The following AFF2 variants were observed in gnomAD, a reference collection of about 807,000 sequenced individuals.
AFF2 encodes the protein ALF transcription elongation factor 2, also known as AF4/FMR2 family member 2.
AFF2 carries 14 observed loss-of-function variants against 76.9 expected under a neutral mutation model. The ratio of observed to expected loss-of-function variants is 0.18; its 90% confidence interval spans 0.12 to 0.28. The LOEUF is 0.28. Among genes scored for constraint, AFF2 ranks in the 10% least tolerant of loss-of-function variants. The pLI, the probability that AFF2 is intolerant of heterozygous loss-of-function variation, is 1.00. For missense variants in AFF2, 868 were observed against 1,001.1 expected (o/e 0.87, Z 1.79); for synonymous variants, 398 against 366.7 (o/e 1.09, Z -0.98).
At chrX:148,942,554 C>T (rs189253796) in intron 9 of AFF2, among the ~76,000 whole-genome samples, 1 of 111,192 alleles carries the variant, frequency 9.0e-6, no homozygotes, top group Non-Finnish European at 1.9e-5. Context: ...CGGTAGCTCA[C>T]GCCTGTAGTT....
intron 4 of AFF2, among the ~76,000 whole-genome samples, chrX:148,826,785 G>C (rs1349012575): frequency 6.2e-5 from 2 of 32,258 alleles, no homozygotes; most frequent in African/African-American, 8.6e-5. Context: ...CTGGGGAGAG[G>C]AGTCCAGGCA....
intron 8 of AFF2, among the ~76,000 whole-genome samples, chrX:148,887,715 C>CA (rs2071175539): frequency 9.0e-6 from 1 of 111,302 alleles, no homozygotes; most frequent in African/African-American, 3.3e-5. Context: ...ATGTCTTCCT[C>CA]AAAAAGGCTT....
At chrX:148,772,542 CTTTT>C (rs56276357) in intron 3 of AFF2, among the ~76,000 whole-genome samples, 1 of 67,709 alleles carries the variant, frequency 1.5e-5, no homozygotes, top group Non-Finnish European at 2.8e-5. Context: ...TTCTTTCTTT[CTTTT>C]TTTTTTTTTT....
rs781822317 is a variant in AFF2, at chrX:148,662,619, G to T, written c.892G>T (p.Ala298Ser). ...CAGACCCATGGATGGCCAGGACCAG[G>T]CACCGGACATCTCACCAACACTGAA... ...YVRPMDGQDQ[A>S]PDISPTLKPS... The change falls in exon 3 of 21, where the codon GCA (alanine) becomes TCA (serine). Residue 298 changes from alanine (A) to serine (S), a missense_variant. Ala to Ser is a moderately conservative substitution (Grantham distance 99, BLOSUM62 1). Coordinates refer to ENST00000370460, the MANE Select transcript of AFF2 (RefSeq NM_002025.4). 11 of 1,211,666 alleles carry T rather than the reference G, an allele frequency of 9.1e-6. No individual in the cohort carries two copies. In the South Asian group the frequency reaches 1.8e-4, roughly 19 times the overall value.
intron 1 of AFF2, among the ~76,000 whole-genome samples, chrX:148,540,049 G>C (rs1557237207): frequency 1.8e-5 from 2 of 112,044 alleles, no homozygotes; most frequent in Non-Finnish European, 3.8e-5. Context: ...CTAAACATCA[G>C]CTTGCTTTAA....
intron 3 of AFF2, among the ~76,000 whole-genome samples, chrX:148,809,009 G>A (rs1324850078): frequency 2.7e-5 from 3 of 111,291 alleles, no homozygotes; most frequent in African/African-American, 9.8e-5. Flanking sequence ...GAGACCCACT[G>A]TTCTTACCAG....
At chrX:148,707,937 G>T (rs2124523895) in intron 3 of AFF2, among the ~76,000 whole-genome samples, 1 of 111,853 alleles carries the variant, frequency 8.9e-6, no homozygotes, top group South Asian at 3.7e-4. Flanking sequence ...TGGTGGTAAT[G>T]TTAGAGGACA....
chrX:148,664,440 T>A (rs1281332676), intron 3 of AFF2, among the ~76,000 whole-genome samples: 1 of 111,494 alleles, frequency 9.0e-6, no homozygotes, highest in East Asian at 2.8e-4. Flanking sequence ...TCCCTTGTCT[T>A]CCTGGTAAAG....
At chrX:148,791,824 C>CCG (rs1478502009) in intron 3 of AFF2, among the ~76,000 whole-genome samples, 2 of 110,903 alleles carry the variant, frequency 1.8e-5, no homozygotes, top group Admixed American at 1.9e-4. Flanking sequence ...TGTTACTGAG[C>CCG]CGGGTGTATA....
At chrX:148,502,851 C>T (rs978175575) in intron 1 of AFF2, among the ~76,000 whole-genome samples, 2 of 112,039 alleles carry the variant, frequency 1.8e-5, no homozygotes, top group Admixed American at 1.9e-4. Flanking sequence ...TATATTAATT[C>T]CGGTTTAATC....
At chrX:148,522,845 C>T (rs1264379325) in intron 1 of AFF2, among the ~76,000 whole-genome samples, 1 of 112,479 alleles carries the variant, frequency 8.9e-6, no homozygotes, top group African/African-American at 3.2e-5. Flanking sequence ...AGCCTTCTGG[C>T]ACATCCATTT....
chrX:148,850,328 G>C (rs895591124), intron 7 of AFF2, among the ~76,000 whole-genome samples: 1 of 111,709 alleles, frequency 9.0e-6, no homozygotes, highest in Non-Finnish European at 1.9e-5. Context: ...ATATCCTCAT[G>C]GTGAAATAAT....
intron 3 of AFF2, among the ~76,000 whole-genome samples, chrX:148,805,919 T>A (rs977512037): frequency 3.6e-5 from 4 of 112,397 alleles, no homozygotes. Context: ...CTCCCCTGTG[T>A]GTCGTGCAGC....
chrX:148,701,955 A>G (rs1407772314), intron 3 of AFF2, among the ~76,000 whole-genome samples: 2 of 112,288 alleles, frequency 1.8e-5, no homozygotes, highest in Non-Finnish European at 3.8e-5. Flanking sequence ...TTGACATTGT[A>G]TTTGCTGTGC....
chrX:148,891,397 A>G (rs1569556654), intron 8 of AFF2, among the ~76,000 whole-genome samples: 1 of 112,323 alleles, frequency 8.9e-6, no homozygotes, highest in Non-Finnish European at 1.9e-5. Flanking sequence ...TTGCAGTTCA[A>G]TAAAAGATCT....
At chrX:148,656,115 C>A (rs2054248879) in intron 2 of AFF2, among the ~76,000 whole-genome samples, 1 of 111,917 alleles carries the variant, frequency 8.9e-6, no homozygotes, top group African/African-American at 3.3e-5. Context: ...TGGCTAATTT[C>A]TTTCCCTTCT....
chrX:148,542,991 C>G (rs1162627120), intron 1 of AFF2, among the ~76,000 whole-genome samples: 2 of 111,928 alleles, frequency 1.8e-5, no homozygotes, highest in African/African-American at 6.5e-5. Context: ...GTTGGCCTTA[C>G]TGCTTCTGTG....
At chrX:148,909,915 C>T (rs1249125278) in intron 9 of AFF2, among the ~76,000 whole-genome samples, 1 of 112,783 alleles carries the variant, frequency 8.9e-6, no homozygotes, top group Non-Finnish European at 1.9e-5. Flanking sequence ...TTATCACATA[C>T]ATTTTTTTCA....
At chrX:148,912,752 T>G (rs1039277506) in intron 9 of AFF2, among the ~76,000 whole-genome samples, 1 of 112,268 alleles carries the variant, frequency 8.9e-6, no homozygotes, top group Non-Finnish European at 1.9e-5. Context: ...TTTTATGGAT[T>G]GTAAATGCCC....
Sources: allele counts gnomAD v4.1 joint callset (sites outside exome capture counted in the v4.1 genomes callset), GRCh38; gene constraint gnomAD v4.1.1; transcripts MANE v1.5; gene names NCBI Gene and HGNC (gene_info 2026-07-23, HGNC 2026-07-21).